MPHOSPH9: variants seen among roughly 807,000 people sequenced by gnomAD.
The protein encoded by MPHOSPH9 is M-phase phosphoprotein 9.
A neutral mutation model predicts 145.5 loss-of-function variants in MPHOSPH9; 88 were observed. The ratio of observed to expected loss-of-function variants is 0.60; its 90% confidence interval spans 0.51 to 0.72. The LOEUF is 0.72. MPHOSPH9 is among the 30% of genes least tolerant of loss of function. MPHOSPH9 has a pLI of 0.00. For synonymous variants in MPHOSPH9, 435 were observed against 486.2 expected, an observed-to-expected ratio of 0.89 and a Z score of 1.39; for missense variants, 1,238 against 1,386.6, an observed-to-expected ratio of 0.89 and a Z score of 1.70.
chr12:123,220,963 A>G (rs1337112874), intron 5 of MPHOSPH9, among the ~76,000 whole-genome samples: 4 of 151,776 alleles, frequency 2.6e-5, no homozygotes, highest in Non-Finnish European at 5.9e-5. Flanking sequence ...ACTGAGGCAG[A>G]AGAATGGCGT....
At chr12:123,186,812 T>G (rs1471380074) in intron 13 of MPHOSPH9, among the ~76,000 whole-genome samples, 1 of 151,636 alleles carries the variant, frequency 6.6e-6, no homozygotes, top group Non-Finnish European at 1.5e-5. Context: ...AATGCAAAAA[T>G]TAGCTAGGCA....
intron 3 of MPHOSPH9, 27 bp from the exon 4 acceptor site, chr12:123,223,154 A>G (rs2047285639): frequency 3.1e-6 from 4 of 1,276,156 alleles, no homozygotes; most frequent in Non-Finnish European, 4.0e-6. Flanking sequence ...TATTTTAGTT[A>G]AAAATAATTT....
chr12:123,163,289 C>T, intron 19 of MPHOSPH9, 155 bp from the exon 20 acceptor site: 2 of 775,738 alleles, frequency 2.6e-6, no homozygotes, highest in Non-Finnish European at 3.8e-6. Context: ...AATAAAATCA[C>T]TCATAATCCT....
Position 123,174,647 on chromosome 12 carries a change from C to T in MPHOSPH9, c.2456+2041G>A, listed in dbSNP as rs550558631. The stretch of plus-strand genomic sequence containing the variant: ...TCGGCCTCCCAAAGTGCTGGGATTA[C>T]AGGCGTGAGCCACCGCACCCGGCAT... On this transcript the variant is annotated intron_variant, in intron 16 of 23. Coordinates refer to ENST00000606320, the MANE Select transcript of MPHOSPH9 (RefSeq NM_022782.4). Among the ~76,000 whole-genome samples the T allele has an allele frequency of 2.0e-4, 31 of 152,260 alleles. No individual in the cohort carries two copies. The East Asian group carries it at 4.4e-3, about 22-fold the overall frequency.
intron 12 of MPHOSPH9, among the ~76,000 whole-genome samples, chr12:123,196,366 T>C (rs2045946573): frequency 1.3e-5 from 2 of 151,940 alleles, no homozygotes; most frequent in Non-Finnish European, 2.9e-5. Context: ...AAAAACAAAA[T>C]AGACAGTTTC....
upstream of MPHOSPH9, among the ~76,000 whole-genome samples, chr12:123,234,456 C>A (rs940662993): frequency 6.6e-6 from 1 of 152,110 alleles, no homozygotes; most frequent in Non-Finnish European, 1.5e-5. Flanking sequence ...AGGGCAGTGG[C>A]GCGATCTCGG....
intron 13 of MPHOSPH9, among the ~76,000 whole-genome samples, chr12:123,186,151 C>T (rs981923583): frequency 1.3e-5 from 2 of 148,474 alleles, no homozygotes; most frequent in African/African-American, 2.5e-5. Flanking sequence ...TGCTTGAACC[C>T]GGGAGGCGGA....
intron 16 of MPHOSPH9, among the ~76,000 whole-genome samples, chr12:123,170,301 T>A (rs1320383745): frequency 6.6e-6 from 1 of 151,884 alleles, no homozygotes; most frequent in Non-Finnish European, 1.5e-5. Flanking sequence ...TGCCACCACA[T>A]CTGGCTAATT....
At chr12:123,184,520 T>C (rs1178043173) in intron 13 of MPHOSPH9, among the ~76,000 whole-genome samples, 8 of 151,216 alleles carry the variant, frequency 5.3e-5, no homozygotes, top group Middle Eastern at 3.4e-3. Flanking sequence ...TTTCTTGAGA[T>C]GGAGTCTTGC....
At chr12:123,225,562 A>G in intron 3 of MPHOSPH9, among the ~76,000 whole-genome samples, 1 of 115,712 alleles carries the variant, frequency 8.6e-6, no homozygotes, top group Non-Finnish European at 1.7e-5. Context: ...GAGGGAGGGG[A>G]GAGGAGAGGT....
At position 123,202,779 on chromosome 12, in the gene MPHOSPH9, A is replaced by C; in HGVS notation, c.1626T>G (p.Ile542Met). Residue 542 changes from isoleucine (I) to methionine (M), a missense_variant, in exon 10 of 24, where the codon ATT becomes ATG. Physicochemically the swap from Ile to Met is conservative, Grantham distance 10. This residue lies in a region of MPHOSPH9 where 837 missense variants were observed against 897.5 expected (regional missense o/e 0.93). Transcript: ENST00000606320. The stretch of plus-strand genomic sequence containing the variant: ...TGTTGACCGAGATATCATTACTAGT[A>C]ATGGTATATACTGACGGAAACGTGG... ...TSSTFPSVYT[I>M]TSNDISVNTV... 1.9e-6 allele frequency: 3 copies of C among 1,614,180 alleles called. No homozygotes were observed. The highest frequency in any genetic ancestry group is 2.5e-6 in the Non-Finnish European group (3 of 1,180,042).
downstream of MPHOSPH9, chr12:123,154,115 G>C (rs2043817624): frequency 6.6e-6 from 1 of 152,062 alleles, no homozygotes; most frequent in Non-Finnish European, 1.5e-5. Context: ...CAGAGGCTTA[G>C]CAAGGGAAAG....
At chr12:123,239,769 A>AT (rs986169238) in intron 1 of MPHOSPH9, among the ~76,000 whole-genome samples, 2 of 151,714 alleles carry the variant, frequency 1.3e-5, no homozygotes, top group East Asian at 1.9e-4. Flanking sequence ...GACATTTTTT[A>AT]TTTTTTTTTC....
chr12:123,196,016 T>C (rs1727286), intron 12 of MPHOSPH9, among the ~76,000 whole-genome samples: 82,481 of 149,972 alleles, frequency 0.55, 27,057 homozygotes, highest in Non-Finnish European at 0.71. Flanking sequence ...GCCTGGGCGA[T>C]GGAGTGAGAC....
rs1418299325 is a variant in MPHOSPH9, at chr12:123,163,028, C to T, written c.3015G>A (p.Glu1005=). The change falls in exon 20 of 24, where the codon GAG becomes GAA. Residue 1005 remains glutamate, a synonymous_variant. Transcript: ENST00000606320. ...AGAGAACTTACCGAATTGGACTGCT[C>T]TCATTTTTGCTAAGCAGATGACTAA... is the stretch of plus-strand genomic sequence containing the variant. ...PGFSHLLSKN[E]SSPIRFDILL... 1 of 1,573,310 alleles carries T rather than the reference C, an allele frequency of 6.4e-7. No individual in the cohort carries two copies. The highest frequency in any genetic ancestry group is 1.4e-5 in the African/African-American group (1 of 72,010).
intron 16 of MPHOSPH9, among the ~76,000 whole-genome samples, chr12:123,170,333 C>T (rs983288426): frequency 3.9e-5 from 6 of 152,000 alleles, no homozygotes; most frequent in East Asian, 1.9e-4. Flanking sequence ...TTAGTAGAGA[C>T]GGGGTTTCAC....
intron 15 of MPHOSPH9, among the ~76,000 whole-genome samples, chr12:123,177,541 A>G (rs966496859): frequency 6.6e-6 from 1 of 151,914 alleles, no homozygotes; most frequent in African/African-American, 2.4e-5. Flanking sequence ...GTCTCAAAAA[A>G]AAAATAAAAG....
chr12:123,233,496 A>G (rs1333709939), upstream of MPHOSPH9: 2 of 152,286 alleles, frequency 1.3e-5, no homozygotes, highest in African/African-American at 2.4e-5. Flanking sequence ...GGATATCCCT[A>G]GAACGTTGAG....
intron 16 of MPHOSPH9, among the ~76,000 whole-genome samples, chr12:123,174,375 A>ATTTTT (rs55827423): frequency 2.1e-5 from 3 of 142,800 alleles, no homozygotes; most frequent in Admixed American, 7.0e-5. Context: ...GACGACTCCA[A>ATTTTT]TTTTTTTTTT....
Sources: gnomAD v4.1 joint callset for allele counts (sites outside exome capture counted in the v4.1 genomes callset) on GRCh38, gnomAD v4.1.1 for gene constraint, gnomAD v4.1.1 regional missense constraint, MANE v1.5 for transcripts, NCBI Gene and HGNC (gene_info 2026-07-23, HGNC 2026-07-21) for gene names.